AUNIP: variants seen among roughly 807,000 people sequenced by gnomAD.
The protein encoded by AUNIP is aurora kinase A- and ninein-interacting protein.
In AUNIP, 16 loss-of-function variants were observed where a neutral mutation model predicts 12.2. That is an observed-to-expected ratio of 1.31 (90% CI 0.88 to 1.99). The LOEUF is 1.99. Among genes scored for constraint, AUNIP ranks in the 30% most tolerant of loss-of-function variants. The pLI, the probability that AUNIP is intolerant of heterozygous loss-of-function variation, is 0.00. For synonymous variants in AUNIP, 142 were observed against 154.8 expected, an observed-to-expected ratio of 0.92 and a Z score of 0.61; for missense variants, 411 against 419.1, an observed-to-expected ratio of 0.98 and a Z score of 0.17.
chr1:25,832,206 G>C (rs1377044561), downstream of AUNIP: 2 of 1,521,782 alleles, frequency 1.3e-6, no homozygotes, highest in Middle Eastern at 1.7e-4. Flanking sequence ...TCAAACCCTA[G>C]CAGAAGCTAA....
rs1400084820 is a variant in AUNIP at position 25,847,247 on chromosome 1, AAC to A, written c.79-9695_79-9694del. 6.6e-6 allele frequency among the ~76,000 whole-genome samples: 1 copy of A among 152,142 alleles called. No homozygotes were observed. The highest frequency in any genetic ancestry group is 1.5e-5 in the Non-Finnish European group (1 of 68,016). On this transcript the variant is annotated intron_variant, in intron 1 of 2. Transcript: ENST00000374298. This position sits in a 1 kb window ranked among gnomAD's most constrained non-coding sequence, Gnocchi z 4.2. Reference sequence around the variant, plus strand: ...ACTGGACCAAAATTACAGCTTAAAAAACAGTTGTGTTTTTTTTGTTTTGTTTT... The same window carrying A: ...ACTGGACCAAAATTACAGCTTAAAAAAGTTGTGTTTTTTTTGTTTTGTTTT...
chr1:25,834,894 C>T lies in AUNIP; in HGVS notation c.*99G>A. On this transcript the variant is annotated 3_prime_UTR_variant, in exon 3 of 3. Transcript: ENST00000374298. ...TAATGACAACTTCATCCCATGCCAC[C>T]TTCCCACCTAAACAAACTCACTCCT... 6.6e-7 allele frequency: 1 copy of T among 1,520,724 alleles called. No homozygotes were observed. Among genetic ancestry groups the T allele is most frequent in the Admixed American group, 2.2e-5 (1 of 45,314 alleles). 94.2% of individuals were successfully genotyped at this position (1,520,724 alleles called of 1,614,324 possible). A position where few individuals can be genotyped will look rare whatever the true frequency, so the allele number is the denominator to read the frequency against.
Position 25,835,637 on chromosome 1 carries a change from T to C in AUNIP, c.430A>G (p.Arg144Gly), listed in dbSNP as rs778981518. Residue 144 changes from arginine (R) to glycine (G), a missense_variant, in exon 3 of 3, where the codon AGA becomes GGA. Arg to Gly is a moderately radical substitution (Grantham distance 125, BLOSUM62 -2). Coordinates refer to ENST00000374298, the MANE Select transcript of AUNIP (RefSeq NM_024037.3). ...TCAGTTGAAAATGGGGTTTTCATTC[T>C]GTGGTGGCCAGAAGTCTGGAGGGAC... ...PQSLQTSGHH[R>G]MKTPFSTELS... is the part of the protein sequence containing the mutation. 4 of 1,614,258 alleles carry C rather than the reference T, an allele frequency of 2.5e-6. No individual in the cohort carries two copies. In the South Asian group the frequency reaches 3.3e-5, roughly 13 times the overall value.
intron 1 of AUNIP, among the ~76,000 whole-genome samples, chr1:25,843,185 AATAT>A (rs1342427424): frequency 1.6e-5 from 2 of 124,956 alleles, no homozygotes; most frequent in African/African-American, 6.0e-5. Flanking sequence ...AAAAAAAAAA[AATAT>A]ATATATATAT....
Position 25,835,443 on chromosome 1 carries a change from A to T in AUNIP, c.624T>A (p.Tyr208Ter). Residue 208 changes from tyrosine (Y) to a stop codon, truncating the protein, a stop_gained, in exon 3 of 3, where the codon TAT (tyrosine) becomes TAA (stop). Coordinates refer to ENST00000374298, the MANE Select transcript of AUNIP (RefSeq NM_024037.3). LOFTEE classifies it low-confidence loss of function (END_TRUNC). ...GTTTGGTGTGTTTCTCCATACTCTGATAGTTCTTCTTAGACTCATGAAGCC... is the reference window on the plus strand; with the variant it reads ...GTTTGGTGTGTTTCTCCATACTCTGTTAGTTCTTCTTAGACTCATGAAGCC... ...WEWLHESKKN[Y>*]QSMEKHTKLP... 6.2e-7 allele frequency: 1 copy of T among 1,614,208 alleles called. No homozygotes were observed. Among genetic ancestry groups the T allele is most frequent in the Non-Finnish European group, 8.5e-7 (1 of 1,180,038 alleles).
intron 1 of AUNIP, among the ~76,000 whole-genome samples, chr1:25,853,735 A>G (rs2048439209): frequency 6.6e-6 from 1 of 152,212 alleles, no homozygotes; most frequent in Non-Finnish European, 1.5e-5. Flanking sequence ...AATCATCTGA[A>G]GCCTTAACTG....
intron 1 of AUNIP, among the ~76,000 whole-genome samples, chr1:25,856,141 GA>G (rs1415737569): frequency 6.6e-6 from 1 of 151,938 alleles, no homozygotes; most frequent in African/African-American, 2.4e-5. Context: ...GAGGCAGGTG[GA>G]TCACTTGAGG....
intron 1 of AUNIP, among the ~76,000 whole-genome samples, chr1:25,843,620 AAAAG>A (rs1368639970): frequency 3.3e-5 from 5 of 150,080 alleles, no homozygotes; most frequent in African/African-American, 9.9e-5. Context: ...AAAAAAAAAA[AAAAG>A]GGATTCATGA....
At chr1:25,859,055 C>A (rs1395288883) in intron 1 of AUNIP, among the ~76,000 whole-genome samples, 1 of 152,080 alleles carries the variant, frequency 6.6e-6, no homozygotes, top group Non-Finnish European at 1.5e-5. Flanking sequence ...TCCTCCAGAC[C>A]CCCCAACAGC....
At chr1:25,857,332 A>C (rs1284036918) in intron 1 of AUNIP, among the ~76,000 whole-genome samples, 1 of 138,326 alleles carries the variant, frequency 7.2e-6, no homozygotes, top group Non-Finnish European at 1.5e-5. Flanking sequence ...TGCAACCTCC[A>C]CCTCCTGGGT....
chr1:25,838,064 C>A, intron 1 of AUNIP, among the ~76,000 whole-genome samples: 1 of 150,188 alleles, frequency 6.7e-6, no homozygotes, highest in East Asian at 1.9e-4. Flanking sequence ...CATGGCGAAA[C>A]CCCGTCTCTA....
At chr1:25,844,899 T>A (rs1161963365) in intron 1 of AUNIP, among the ~76,000 whole-genome samples, 1 of 152,158 alleles carries the variant, frequency 6.6e-6, no homozygotes, top group African/African-American at 2.4e-5. Context: ...ACCTTTCTAG[T>A]CAGCACTGTC....
downstream of AUNIP, chr1:25,833,890 G>A: frequency 2.0e-6 from 1 of 491,456 alleles, no homozygotes; most frequent in Non-Finnish European, 2.6e-6. Flanking sequence ...TAGAAGACAG[G>A]TCAAACTAGA....
At chr1:25,832,544 C>CACTT (rs921092641), downstream of AUNIP, 11 of 213,572 alleles carry the variant, frequency 5.2e-5, no homozygotes, top group African/African-American at 2.5e-4. Context: ...TCACCCTCCT[C>CACTT]ACTTCCTTGT....
rs2048391180 is a variant in AUNIP at position 25,847,360 on chromosome 1, C to G, written c.79-9806G>C. 1.3e-5 allele frequency among the ~76,000 whole-genome samples: 2 copies of G among 152,102 alleles called. No homozygotes were observed. The highest frequency in any genetic ancestry group is 2.9e-5 in the Non-Finnish European group (2 of 68,016). ...CACCACAACCTCTGCTTCCTAGGTT[C>G]AAGTGATTCTGCTGCCTCAGCCTCC... On this transcript the variant is annotated intron_variant, in intron 1 of 2. Transcript: ENST00000374298. The surrounding 1 kb of genome is among the most constrained non-coding windows in gnomAD (Gnocchi z 4.2).
rs1053201031 is a variant in AUNIP at position 25,835,484 on chromosome 1, C to A, written c.583G>T (p.Ala195Ser). The change falls in exon 3 of 3, where the codon GCC (alanine) becomes TCC (serine). Residue 195 changes from alanine to serine, a missense_variant. Transcript: ENST00000374298. ...TCATGAAGCCATTCCCATTTCCTGG[C>A]AGAATCCCCTTTTTCTTCCTTTCGG... is the stretch of plus-strand genomic sequence containing the variant. ...LDRKEEKGDS[A>S]RKWEWLHESK... The A allele has an allele frequency of 1.2e-6, 2 of 1,614,254 alleles. No homozygotes were observed. The highest frequency in any genetic ancestry group is 1.7e-6 in the Non-Finnish European group (2 of 1,180,046).
chr1:25,852,448 G>GTTTTTTTTTT (rs1289092185), intron 1 of AUNIP, among the ~76,000 whole-genome samples: 1 of 134,946 alleles, frequency 7.4e-6, no homozygotes. Flanking sequence ...ATTATTTAAG[G>GTTTTTTTTTT]TTTTTTTTTT....
chr1:25,838,795 C>T (rs1353394552), intron 1 of AUNIP, among the ~76,000 whole-genome samples: 1 of 152,132 alleles, frequency 6.6e-6, no homozygotes, highest in East Asian at 1.9e-4. Flanking sequence ...TAAAGAATGC[C>T]TGAGAAGTAG....
At chr1:25,836,526 C>A (rs1204327962) in intron 2 of AUNIP, among the ~76,000 whole-genome samples, 1 of 152,170 alleles carries the variant, frequency 6.6e-6, no homozygotes, top group Non-Finnish European at 1.5e-5. Context: ...GGATGGAGGA[C>A]ATGGAATTCC....
Sources: allele counts gnomAD v4.1 joint callset (sites outside exome capture counted in the v4.1 genomes callset), GRCh38; gene constraint gnomAD v4.1.1; non-coding constraint Gnocchi (gnomAD v3.1); transcripts MANE v1.5; gene names NCBI Gene and HGNC (gene_info 2026-07-23, HGNC 2026-07-21).